The following SLC1A2 variants were observed in gnomAD, a reference collection of about 807,000 sequenced individuals.
SLC1A2 encodes the protein excitatory amino acid transporter 2.
Under a neutral mutation model 48.8 loss-of-function variants are expected in SLC1A2, and 15 were observed. The observed-to-expected ratio is 0.31, with a 90% CI of 0.21 to 0.47. SLC1A2 has a LOEUF of 0.47. Ranked by LOEUF, SLC1A2 falls within the 20% of genes least tolerant of loss-of-function variation. The pLI is 0.99. For missense variants in SLC1A2, 502 were observed against 730.5 expected (o/e 0.69, Z 3.61); for synonymous variants, 279 against 272.6 (o/e 1.02, Z -0.23).
intron 3 of SLC1A2, among the ~76,000 whole-genome samples, chr11:35,314,490 G>A (rs1471748774): frequency 1.3e-5 from 2 of 152,150 alleles, no homozygotes; most frequent in African/African-American, 2.4e-5. Flanking sequence ...TGAGGCGGGT[G>A]GATCATGAGG....
intron 1 of SLC1A2, among the ~76,000 whole-genome samples, chr11:35,403,863 C>G (rs1260760349): frequency 1.3e-5 from 2 of 152,152 alleles, no homozygotes; most frequent in Non-Finnish European, 2.9e-5. Flanking sequence ...TGGACAGAAT[C>G]CTGATTTTCC....
chr11:35,270,299 A>G (rs1366843205), intron 9 of SLC1A2, among the ~76,000 whole-genome samples: 2 of 152,064 alleles, frequency 1.3e-5, no homozygotes, highest in African/African-American at 4.8e-5. Flanking sequence ...GCTAATCCCA[A>G]CCTCACAGGA....
At chr11:35,364,704 G>A (rs1450435870) in intron 1 of SLC1A2, among the ~76,000 whole-genome samples, 2 of 152,164 alleles carry the variant, frequency 1.3e-5, no homozygotes, top group Non-Finnish European at 2.9e-5. Context: ...TGTAGTCATA[G>A]GTTAATACAT....
Position 35,301,533 on chromosome 11 carries a change from C to T in SLC1A2, c.843G>A (p.Val281=). 1 of 1,613,672 alleles carries T rather than the reference C, an allele frequency of 6.2e-7. No homozygotes were observed. The change falls in exon 6 of 11, where the codon GTG becomes GTA. Residue 281 remains valine (V), a synonymous_variant. Coordinates refer to ENST00000278379, the MANE Select transcript of SLC1A2 (RefSeq NM_004171.4). ...NILNEIVMKL[V]IMIMWYSPLG... ...AGGCCACTTACCACATGATCATGAT[C>T]ACTAACTTCATTACAATCTCATTCA...
intron 6 of SLC1A2, among the ~76,000 whole-genome samples, chr11:35,301,177 C>T (rs972303237): frequency 1.3e-5 from 2 of 152,154 alleles, no homozygotes; most frequent in African/African-American, 4.8e-5. Flanking sequence ...GCCTCCAGAA[C>T]CATAAGAAAG....
chr11:35,391,500 T>C (rs10768132), intron 1 of SLC1A2: 56,421 of 152,064 alleles, frequency 0.37, 10,909 homozygotes, highest in South Asian at 0.46. Flanking sequence ...ATCTCTACCC[T>C]GTGTGTACCT....
chr11:35,309,925 T>C (rs768102434), intron 4 of SLC1A2, among the ~76,000 whole-genome samples: 3 of 152,142 alleles, frequency 2.0e-5, no homozygotes, highest in African/African-American at 7.2e-5. Context: ...TCAGTCCTCA[T>C]ATGAATTTTG....
intron 1 of SLC1A2, chr11:35,371,163 G>T: frequency 1.5e-6 from 1 of 687,392 alleles, no homozygotes; most frequent in Non-Finnish European, 1.8e-6. Context: ...AACCTACTTT[G>T]TCTCACCCAC....
At chr11:35,342,808 AT>A (rs1270417069) in intron 1 of SLC1A2, among the ~76,000 whole-genome samples, 1 of 148,786 alleles carries the variant, frequency 6.7e-6, no homozygotes. Context: ...AATTAAAAAA[AT>A]AAAATGAAAT....
chr11:35,358,857 C>T (rs563630232), intron 1 of SLC1A2, among the ~76,000 whole-genome samples: 33 of 152,064 alleles, frequency 2.2e-4, no homozygotes, highest in East Asian at 1.9e-4. Context: ...GAATAGCAAG[C>T]GGGAGGCGGT....
At chr11:35,311,929 G>T (rs1465749035) in intron 4 of SLC1A2, among the ~76,000 whole-genome samples, 3 of 20,128 alleles carry the variant, frequency 1.5e-4, no homozygotes, top group African/African-American at 2.5e-4. Flanking sequence ...AGAGGCGGGG[G>T]GGGGGGGTGG....
At chr11:35,380,601 T>C in intron 1 of SLC1A2, 1 of 393,226 alleles carries the variant, frequency 2.5e-6, no homozygotes, top group East Asian at 3.6e-5. Context: ...TTTCTTCCAA[T>C]CAATTCTGTT....
intron 1 of SLC1A2, among the ~76,000 whole-genome samples, chr11:35,409,910 AAAACAAATAAATAAAT>A (rs1855409709): frequency 2.0e-5 from 3 of 152,132 alleles, no homozygotes; most frequent in African/African-American, 7.2e-5. Flanking sequence ...CTCTGTCTCA[AAAACAAATAAATAAAT>A]AAACAAATAA....
In SLC1A2 at chr11:35,379,417, CT is replaced by C. The variant is rs564536247; in HGVS notation, c.17+39532del. Among the ~76,000 whole-genome samples, 303 of 152,230 alleles carry C rather than the reference CT, an allele frequency of 2.0e-3. 4 individuals are homozygous for C. The highest frequency in any genetic ancestry group is 8.8e-4 in the Non-Finnish European group (60 of 67,994). On this transcript the variant is annotated intron_variant, in intron 1 of 10. Coordinates refer to ENST00000278379, the MANE Select transcript of SLC1A2 (RefSeq NM_004171.4). ...ATGCAATTTCAATAGGCAATACAGA[CT>C]TTTTTTTAAGCCAGACATAAAATCC...
chr11:35,275,149 AG>A (rs1434926526), intron 9 of SLC1A2, among the ~76,000 whole-genome samples: 2 of 152,206 alleles, frequency 1.3e-5, no homozygotes, highest in Non-Finnish European at 2.9e-5. Flanking sequence ...TTCTCTCCAG[AG>A]AGGAATGCTG....
intron 1 of SLC1A2, among the ~76,000 whole-genome samples, chr11:35,405,685 T>A (rs11033112): frequency 0.58 from 87,673 of 151,918 alleles, 25,659 homozygotes; most frequent in Middle Eastern, 0.7. Context: ...CCCAGACAGC[T>A]GCATGGGGAC....
At chr11:35,269,747 T>G (rs1850225190) in intron 9 of SLC1A2, among the ~76,000 whole-genome samples, 1 of 152,174 alleles carries the variant, frequency 6.6e-6, no homozygotes, top group Non-Finnish European at 1.5e-5. Context: ...TCCTTGAATT[T>G]GAAAAAGAAC....
intron 1 of SLC1A2, among the ~76,000 whole-genome samples, chr11:35,359,713 A>G (rs1361485128): frequency 1.3e-5 from 2 of 152,244 alleles, no homozygotes; most frequent in Non-Finnish European, 2.9e-5. Context: ...ACTGGCATGC[A>G]GAGACCTGTG....
chr11:35,387,650 T>C (rs1406716721), intron 1 of SLC1A2, among the ~76,000 whole-genome samples: 1 of 152,184 alleles, frequency 6.6e-6, no homozygotes, highest in African/African-American at 2.4e-5. Flanking sequence ...GAATGTTGAA[T>C]TACTGACAGA....
Sources: allele counts gnomAD v4.1 joint callset (sites outside exome capture counted in the v4.1 genomes callset), GRCh38; gene constraint gnomAD v4.1.1; transcripts MANE v1.5; gene names NCBI Gene and HGNC (gene_info 2026-07-23, HGNC 2026-07-21).